The following SND1 variants were observed in gnomAD, a reference collection of about 807,000 sequenced individuals.
SND1 encodes the protein staphylococcal nuclease domain-containing protein 1.
Under a neutral mutation model 121.7 loss-of-function variants are expected in SND1, and 38 were observed. The observed-to-expected ratio is 0.31, with a 90% CI of 0.24 to 0.41. The LOEUF (loss-of-function observed/expected upper bound fraction) is 0.41. Ranked by LOEUF, SND1 falls within the 10% of genes least tolerant of loss-of-function variation. The pLI is 1.00. For synonymous variants in SND1, 401 were observed against 447.4 expected, an observed-to-expected ratio of 0.90 and a Z score of 1.31; for missense variants, 868 against 1,184.6, an observed-to-expected ratio of 0.73 and a Z score of 3.92.
chr7:127,784,088 G>A (rs1384112296), intron 10 of SND1, among the ~76,000 whole-genome samples: 3 of 152,192 alleles, frequency 2.0e-5, no homozygotes, highest in Non-Finnish European at 2.9e-5. Flanking sequence ...TGCTTTGTAT[G>A]TATTAACTGA....
intron 1 of SND1, among the ~76,000 whole-genome samples, chr7:127,655,070 A>G (rs1263722260): frequency 6.6e-6 from 1 of 152,188 alleles, no homozygotes; most frequent in African/African-American, 2.4e-5. Context: ...GCCTTTTGGG[A>G]GAGAGGTAGA....
chr7:128,051,883 G>A (rs945455011), intron 16 of SND1, among the ~76,000 whole-genome samples: 1 of 152,182 alleles, frequency 6.6e-6, no homozygotes, highest in Non-Finnish European at 1.5e-5. Flanking sequence ...TGATACTTGG[G>A]TTCAGAGAAC....
chr7:128,090,237 T>A (rs964989257), intron 22 of SND1, among the ~76,000 whole-genome samples: 7 of 152,166 alleles, frequency 4.6e-5, no homozygotes, highest in Non-Finnish European at 1.0e-4. Context: ...GCTTATGAAG[T>A]GAGGGGAGGA....
chr7:128,030,648 C>T (rs370724359), intron 16 of SND1: 1 of 1,544,108 alleles, frequency 6.5e-7, no homozygotes, highest in Non-Finnish European at 8.8e-7. Flanking sequence ...CATGGTGTGG[C>T]ACGTTCATAA....
intron 16 of SND1, among the ~76,000 whole-genome samples, chr7:128,019,140 A>T (rs2116960326): frequency 6.6e-6 from 1 of 152,290 alleles, no homozygotes; most frequent in African/African-American, 2.4e-5. Flanking sequence ...TCATCAACTC[A>T]TCAGGAGGCC....
intron 12 of SND1, among the ~76,000 whole-genome samples, chr7:127,861,536 G>T (rs145924777): frequency 6.6e-6 from 1 of 152,072 alleles, no homozygotes; most frequent in Non-Finnish European, 1.5e-5. Context: ...ATGCAGTGGC[G>T]CTGTCTTGGC....
intron 10 of SND1, among the ~76,000 whole-genome samples, chr7:127,793,909 C>T (rs1797962248): frequency 6.6e-6 from 1 of 152,132 alleles, no homozygotes; most frequent in African/African-American, 2.4e-5. Flanking sequence ...AGTATGGCTT[C>T]AAGTTTGTTA....
At position 128,015,369 on chromosome 7, in the gene SND1, A is replaced by G. The variant is rs1803204124; in HGVS notation, c.1779+24313A>G. ...GGTTTAAGTTCATATTTTGCAGAAA[A>G]CACTTTCCAGCCTTCATCAGCGCTA... is the stretch of plus-strand genomic sequence containing the variant. On this transcript the variant is annotated intron_variant, in intron 16 of 23. Coordinates refer to ENST00000354725, the MANE Select transcript of SND1 (RefSeq NM_014390.4). This position sits in a 1 kb window ranked among gnomAD's most constrained non-coding sequence, Gnocchi z 4.5. 6.6e-6 allele frequency among the ~76,000 whole-genome samples: 1 copy of G among 152,174 alleles called. No homozygotes were observed. The highest frequency in any genetic ancestry group is 2.1e-4 in the South Asian group (1 of 4,834).
intron 12 of SND1, among the ~76,000 whole-genome samples, chr7:127,854,748 C>T (rs1457408233): frequency 2.0e-5 from 3 of 151,836 alleles, no homozygotes; most frequent in Non-Finnish European, 4.4e-5. Context: ...TATGCCATTT[C>T]TCAGCCCCCT....
At chr7:127,711,612 A>G (rs1001323067) in intron 9 of SND1, among the ~76,000 whole-genome samples, 3 of 152,114 alleles carry the variant, frequency 2.0e-5, no homozygotes, top group African/African-American at 7.2e-5. Flanking sequence ...TTATGCCTCA[A>G]TGTTTAGTTG....
At position 128,029,342 on chromosome 7, in the gene SND1, G is replaced by T. The variant is rs1217588631; in HGVS notation, c.1779+38286G>T. ...TCACATTGAGGTAGGCCGAGGCGTT[G>T]GAGTTGCCTGCAACATTGGTCACCA... On this transcript the variant is annotated intron_variant, in intron 16 of 23. Coordinates refer to ENST00000354725, the MANE Select transcript of SND1 (RefSeq NM_014390.4). This position sits in a 1 kb window ranked among gnomAD's most constrained non-coding sequence, Gnocchi z 4.2. The T allele has an allele frequency of 6.2e-7, 1 of 1,614,196 alleles. No homozygotes were observed.
At chr7:127,731,815 A>G (rs1427834495) in intron 10 of SND1, among the ~76,000 whole-genome samples, 1 of 152,222 alleles carries the variant, frequency 6.6e-6, no homozygotes, top group African/African-American at 2.4e-5. Context: ...GCTCTGCTGG[A>G]GAGATATGTC....
chr7:127,691,674 G>A lies in SND1; in HGVS notation c.229-3154G>A, dbSNP rs544849003. Among the ~76,000 whole-genome samples, 61 of 151,668 alleles carry A rather than the reference G, an allele frequency of 4.0e-4. No homozygotes were observed. In the South Asian group the frequency reaches 7.2e-3, roughly 18 times the overall value. ...GTCGCCCGGGCTGGAGTGCAGTGGC[G>A]CAATCTTGGCTCACTGCAACCTCCA... On this transcript the variant is annotated intron_variant, in intron 2 of 23. Coordinates refer to ENST00000354725, the MANE Select transcript of SND1 (RefSeq NM_014390.4).
intron 14 of SND1, among the ~76,000 whole-genome samples, chr7:127,927,178 A>G (rs1223067361): frequency 1.3e-5 from 2 of 152,216 alleles, no homozygotes; most frequent in Non-Finnish European, 2.9e-5. Flanking sequence ...TAGTTTAAAC[A>G]TGAAAGGCAT....
At chr7:127,948,375 G>T (rs1219541797) in intron 15 of SND1, among the ~76,000 whole-genome samples, 2 of 152,178 alleles carry the variant, frequency 1.3e-5, no homozygotes, top group Non-Finnish European at 2.9e-5. Context: ...TATGAATCCT[G>T]CCCCTTACTA....
intron 10 of SND1, among the ~76,000 whole-genome samples, chr7:127,742,237 A>C (rs1796894314): frequency 6.6e-6 from 1 of 152,140 alleles, no homozygotes; most frequent in South Asian, 2.1e-4. Flanking sequence ...TTGTGCCACC[A>C]AGATGTGTCT....
chr7:128,078,389 C>T (rs1465953251), intron 17 of SND1, among the ~76,000 whole-genome samples: 1 of 152,270 alleles, frequency 6.6e-6, no homozygotes, highest in African/African-American at 2.4e-5. Flanking sequence ...TGTCTCTCTC[C>T]TACCCTCTGT....
intron 22 of SND1, chr7:128,089,921 G>A (rs937215779): frequency 7.6e-6 from 4 of 524,366 alleles, no homozygotes; most frequent in South Asian, 2.1e-5. Context: ...AAACTAGAGC[G>A]GAAAGCTTCC....
intron 13 of SND1, among the ~76,000 whole-genome samples, chr7:127,890,084 G>C (rs1455814299): frequency 6.6e-6 from 1 of 152,004 alleles, no homozygotes; most frequent in African/African-American, 2.4e-5. Context: ...TCTATTTTTA[G>C]TTTCTTGAAG....
Sources: gnomAD v4.1 joint callset for allele counts (sites outside exome capture counted in the v4.1 genomes callset) on GRCh38, gnomAD v4.1.1 for gene constraint, Gnocchi (gnomAD v3.1) non-coding constraint, MANE v1.5 for transcripts, NCBI Gene and HGNC (gene_info 2026-07-23, HGNC 2026-07-21) for gene names.